RAB3C: variants seen among roughly 807,000 people sequenced by gnomAD.
RAB3C encodes the protein ras-related protein Rab-3C.
In RAB3C, 17 loss-of-function variants were observed where a neutral mutation model predicts 26.4. That is an observed-to-expected ratio of 0.64 (90% CI 0.44 to 0.97). RAB3C has a LOEUF of 0.97. RAB3C is among the 50% of genes least tolerant of loss of function. RAB3C has a pLI of 0.00. For synonymous variants in RAB3C, 91 were observed against 95.9 expected, an observed-to-expected ratio of 0.95 and a Z score of 0.30; for missense variants, 242 against 281.9, an observed-to-expected ratio of 0.86 and a Z score of 1.01.
At chr5:58,660,045 TC>T (rs1747867514) in intron 2 of RAB3C, among the ~76,000 whole-genome samples, 1 of 149,052 alleles carries the variant, frequency 6.7e-6, no homozygotes, top group African/African-American at 2.6e-5. Context: ...ACTCAAGCAA[TC>T]CGCCCGCCTC....
chr5:58,823,935 C>T (rs1487983625), intron 3 of RAB3C, among the ~76,000 whole-genome samples: 1 of 140,558 alleles, frequency 7.1e-6, no homozygotes, highest in Non-Finnish European at 1.5e-5. Flanking sequence ...TCCATGTGTT[C>T]TCATTGTTCA....
At position 58,768,475 on chromosome 5, in the gene RAB3C, AAAC is replaced by A. The variant is rs1305082925; in HGVS notation, c.371+42360_371+42362del. ...GGCAGACAACAAATAAGAAGGGTAC[AAAC>A]AACAGATAAAATATGCAGTATCAGA... On this transcript the variant is annotated intron_variant, in intron 3 of 4. Transcript: ENST00000282878. Among the ~76,000 whole-genome samples the A allele has an allele frequency of 2.0e-5, 3 of 152,280 alleles. No individual in the cohort carries two copies. In the East Asian group the frequency reaches 5.8e-4, roughly 29 times the overall value.
intron 3 of RAB3C, among the ~76,000 whole-genome samples, chr5:58,797,368 A>ATATAT (rs1464292932): frequency 0.045 from 1,008 of 22,638 alleles, 77 homozygotes; most frequent in African/African-American, 0.13. Context: ...GTATATATAT[A>ATATAT]ATATATATAT....
intron 2 of RAB3C, among the ~76,000 whole-genome samples, chr5:58,702,151 T>G (rs1046757254): frequency 3.3e-5 from 5 of 152,120 alleles, no homozygotes; most frequent in African/African-American, 1.2e-4. Flanking sequence ...ACACACACAC[T>G]CACACACATG....
chr5:58,692,021 G>T (rs980910730), intron 2 of RAB3C, among the ~76,000 whole-genome samples: 155 of 152,116 alleles, frequency 1.0e-3, no homozygotes, highest in African/African-American at 3.5e-3. Flanking sequence ...TTTCTTCAAG[G>T]TCAGAACACC....
chr5:58,748,671 T>C (rs1256756174), intron 3 of RAB3C, among the ~76,000 whole-genome samples: 1 of 152,134 alleles, frequency 6.6e-6, no homozygotes, highest in East Asian at 1.9e-4. Context: ...TATGAAATAA[T>C]ATGTCCTAGA....
chr5:58,662,153 T>C (rs1747917251), intron 2 of RAB3C, among the ~76,000 whole-genome samples: 1 of 149,706 alleles, frequency 6.7e-6, no homozygotes, highest in Non-Finnish European at 1.5e-5. Context: ...TTCTGGATAG[T>C]GGGGAAGAGG....
At chr5:58,648,485 T>C (rs191416660) in intron 2 of RAB3C, among the ~76,000 whole-genome samples, 1 of 152,294 alleles carries the variant, frequency 6.6e-6, no homozygotes, top group East Asian at 1.9e-4. Context: ...TAGTTTTCTG[T>C]AACGTAAAGG....
intron 2 of RAB3C, among the ~76,000 whole-genome samples, chr5:58,705,460 A>G (rs940378128): frequency 5.3e-5 from 8 of 152,202 alleles, no homozygotes; most frequent in Admixed American, 5.2e-4. Context: ...GAATTCTTAA[A>G]AAATTTTGAT....
intron 3 of RAB3C, among the ~76,000 whole-genome samples, chr5:58,743,492 C>G (rs1049926831): frequency 4.6e-5 from 7 of 151,978 alleles, no homozygotes; most frequent in Non-Finnish European, 8.8e-5. Context: ...GTTTGCTGCA[C>G]CCATCAACCC....
At chr5:58,741,472 A>G (rs1390550719) in intron 3 of RAB3C, 1 of 152,088 alleles carries the variant, frequency 6.6e-6, no homozygotes, top group African/African-American at 2.4e-5. Context: ...TAAACCATCA[A>G]ATATGCTCTA....
intron 2 of RAB3C, among the ~76,000 whole-genome samples, chr5:58,622,183 G>A (rs551265776): frequency 1.3e-5 from 2 of 152,180 alleles, no homozygotes; most frequent in East Asian, 1.9e-4. Flanking sequence ...ACACAGGAAC[G>A]ATCCCTCAGT....
chr5:58,693,976 A>G (rs1346580057), intron 2 of RAB3C, among the ~76,000 whole-genome samples: 2 of 152,070 alleles, frequency 1.3e-5, no homozygotes, highest in Non-Finnish European at 2.9e-5. Flanking sequence ...GTACATGTGC[A>G]CAACATGCAG....
At position 58,813,616 on chromosome 5, in the gene RAB3C, A is replaced by G; in HGVS notation, c.372-11422A>G. On this transcript the variant is annotated intron_variant, in intron 3 of 4. Transcript: ENST00000282878. ...TTTATATATATATATATATATATAT[A>G]TATATATATATATATATACACACAC... Among the ~76,000 whole-genome samples the G allele has an allele frequency of 5.8e-5, 3 of 51,734 alleles. No homozygotes were observed. In the East Asian group the frequency reaches 8.0e-4, roughly 14 times the overall value. 33.9% of individuals were successfully genotyped at this position (51,734 alleles called of 152,430 possible). A position where few individuals can be genotyped will look rare whatever the true frequency, so the allele number is the denominator to read the frequency against.
intron 2 of RAB3C, among the ~76,000 whole-genome samples, chr5:58,677,615 A>C (rs1191891078): frequency 6.7e-6 from 1 of 148,536 alleles, no homozygotes; most frequent in South Asian, 2.1e-4. Flanking sequence ...AAATATAAAA[A>C]TATTGACACC....
At chr5:58,789,286 C>T (rs1049266676) in intron 3 of RAB3C, among the ~76,000 whole-genome samples, 17 of 152,160 alleles carry the variant, frequency 1.1e-4, no homozygotes, top group Admixed American at 2.6e-4. Context: ...TAAACCCTGA[C>T]AGTGAATGAC....
chr5:58,618,601 A>G (rs750788577), intron 2 of RAB3C, among the ~76,000 whole-genome samples: 7 of 152,092 alleles, frequency 4.6e-5, no homozygotes, highest in Non-Finnish European at 7.4e-5. Context: ...GAGACCAGTG[A>G]GCAAAAAACA....
At chr5:58,615,380 C>A (rs1746802138) in intron 1 of RAB3C, among the ~76,000 whole-genome samples, 1 of 152,100 alleles carries the variant, frequency 6.6e-6, no homozygotes, top group Admixed American at 6.6e-5. Flanking sequence ...GTAAAATAAT[C>A]TTCTTAATGA....
chr5:58,723,651 T>C (rs558395757), intron 2 of RAB3C, among the ~76,000 whole-genome samples: 2 of 151,890 alleles, frequency 1.3e-5, no homozygotes, highest in Admixed American at 1.3e-4. Flanking sequence ...AAATTCAACA[T>C]GAGCCCTTCC....
Sources: allele counts gnomAD v4.1 joint callset (sites outside exome capture counted in the v4.1 genomes callset), GRCh38; gene constraint gnomAD v4.1.1; transcripts MANE v1.5; gene names NCBI Gene and HGNC (gene_info 2026-07-23, HGNC 2026-07-21).